Variants in DSCAM observed in about 807,000 individuals in gnomAD.
DSCAM encodes DS cell adhesion molecule, also known as cell adhesion molecule DSCAM.
Under a neutral mutation model 217.7 loss-of-function variants are expected in DSCAM, and 47 were observed. The ratio of observed to expected loss-of-function variants is 0.22; its 90% CI spans 0.17 to 0.28. The LOEUF (loss-of-function observed/expected upper bound fraction) is 0.28, where lower values mean the gene tolerates loss of function less well. Among genes scored for constraint, DSCAM ranks in the 10% least tolerant of loss-of-function variants. The probability of loss-of-function intolerance (pLI) is 1.00; values close to 1 mark genes in which losing one functional copy is unlikely to be tolerated. For synonymous variants in DSCAM, 1,056 were observed against 1,015.3 expected, an observed-to-expected ratio of 1.04 and a Z score of -0.76; for missense variants, 2,080 against 2,618.3, an observed-to-expected ratio of 0.79 and a Z score of 4.49.
At chr21:40,388,117 G>T (rs535253017) in intron 3 of DSCAM, among the ~76,000 whole-genome samples, 1 of 142,874 alleles carries the variant, frequency 7.0e-6, no homozygotes, top group African/African-American at 2.7e-5. Flanking sequence ...AAAACAATTT[G>T]GAAATTTCCC....
At chr21:40,471,692 G>A (rs560661439) in intron 3 of DSCAM, among the ~76,000 whole-genome samples, 50 of 152,162 alleles carry the variant, frequency 3.3e-4, no homozygotes, top group Non-Finnish European at 6.2e-4. Flanking sequence ...ACACTCCTAC[G>A]CAGCTATTAC....
intron 3 of DSCAM, among the ~76,000 whole-genome samples, chr21:40,507,112 A>G (rs1286821867): frequency 6.6e-6 from 1 of 152,104 alleles, no homozygotes; most frequent in Admixed American, 6.5e-5. Flanking sequence ...ACCCATCTCT[A>G]CTAAAAATAC....
At chr21:40,244,041 AAGG>A (rs1048228745) in intron 11 of DSCAM, among the ~76,000 whole-genome samples, 1 of 152,176 alleles carries the variant, frequency 6.6e-6, no homozygotes, top group Non-Finnish European at 1.5e-5. Flanking sequence ...TAGACAACAC[AAGG>A]AGGAGACCAT....
intron 18 of DSCAM, among the ~76,000 whole-genome samples, chr21:40,138,468 G>A (rs749228441): frequency 2.6e-4 from 38 of 146,448 alleles, no homozygotes; most frequent in African/African-American, 7.3e-4. Flanking sequence ...GTGGTGTAGT[G>A]TGTGGTGTAT....
chr21:40,240,349 GTTT>G lies in DSCAM; in HGVS notation c.2356+35745_2356+35747del, dbSNP rs749073872. On this transcript the variant is annotated intron_variant, in intron 11 of 32. Transcript: ENST00000400454. ...AGCTACTGCAGTAGCTTCCTCACTG[GTTT>G]TTTTTTTTTTTTTTTTTTTTTGCCT... Among the ~76,000 whole-genome samples, 100 of 57,728 alleles carry G rather than the reference GTTT, an allele frequency of 1.7e-3. 1 individual carries two copies. Among genetic ancestry groups the G allele is most frequent in the African/African-American group, 7.5e-3 (98 of 12,990 alleles). 37.9% of individuals were successfully genotyped at this position (57,728 alleles called of 152,430 possible).
intron 11 of DSCAM, among the ~76,000 whole-genome samples, chr21:40,202,204 G>A (rs1005103837): frequency 2.6e-5 from 4 of 152,108 alleles, no homozygotes; most frequent in Non-Finnish European, 4.4e-5. Context: ...TTCCACCCCC[G>A]CCACCCTTCA....
At chr21:40,161,527 C>G (rs537768388) in intron 16 of DSCAM, among the ~76,000 whole-genome samples, 1 of 152,126 alleles carries the variant, frequency 6.6e-6, no homozygotes, top group Non-Finnish European at 1.5e-5. Flanking sequence ...GCTGAGGGTA[C>G]AGTGAACACA....
chr21:40,513,563 A>C (rs62225540), intron 3 of DSCAM, among the ~76,000 whole-genome samples: 12,901 of 152,166 alleles, frequency 0.085, 669 homozygotes, highest in Middle Eastern at 0.16. Flanking sequence ...AGAAGGAGCA[A>C]GAGTGATGGC....
At chr21:40,701,675 AT>A (rs35209101) in intron 2 of DSCAM, among the ~76,000 whole-genome samples, 19,820 of 146,722 alleles carry the variant, frequency 0.14, 2,268 homozygotes, top group African/African-American at 0.32. Context: ...TTTTTTCTGA[AT>A]TTTTTTTTTT....
intron 1 of DSCAM, among the ~76,000 whole-genome samples, chr21:40,745,063 A>G (rs535067883): frequency 4.6e-5 from 7 of 152,324 alleles, no homozygotes; most frequent in African/African-American, 1.4e-4. Flanking sequence ...AGCAGACTTA[A>G]AGAACCCACA....
chr21:40,289,611 C>T (rs1039221475), intron 10 of DSCAM, among the ~76,000 whole-genome samples: 2 of 152,128 alleles, frequency 1.3e-5, no homozygotes, highest in African/African-American at 2.4e-5. Context: ...GCTTTTATTA[C>T]AGTACATTGT....
intron 32 of DSCAM, among the ~76,000 whole-genome samples, chr21:40,013,792 A>G (rs905250241): frequency 6.6e-6 from 1 of 152,174 alleles, no homozygotes. Context: ...TTGAGGAGAG[A>G]GCCAGGGACG....
chr21:40,550,432 G>A (rs1321537622), intron 3 of DSCAM, among the ~76,000 whole-genome samples: 1 of 152,178 alleles, frequency 6.6e-6, no homozygotes, highest in East Asian at 1.9e-4. Context: ...GGCTGAGGCA[G>A]GAGAATCACT....
chr21:40,528,334 G>A (rs1037218596), intron 3 of DSCAM, among the ~76,000 whole-genome samples: 2 of 152,172 alleles, frequency 1.3e-5, no homozygotes, highest in South Asian at 2.1e-4. Context: ...CTGAGAACTT[G>A]GCCTCCAGTT....
At chr21:40,388,388 T>C (rs1421076147) in intron 3 of DSCAM, among the ~76,000 whole-genome samples, 1 of 152,168 alleles carries the variant, frequency 6.6e-6, no homozygotes, top group Non-Finnish European at 1.5e-5. Flanking sequence ...TCACAGCAGA[T>C]GGTATCATGA....
intron 3 of DSCAM, among the ~76,000 whole-genome samples, chr21:40,576,055 C>T (rs377360234): frequency 1.3e-5 from 2 of 151,310 alleles, no homozygotes; most frequent in Admixed American, 6.6e-5. Flanking sequence ...TAAGTGGTAC[C>T]TTTTAGAAGT....
chr21:40,713,432 A>T (rs746172926), intron 1 of DSCAM, among the ~76,000 whole-genome samples: 1 of 152,196 alleles, frequency 6.6e-6, no homozygotes, highest in African/African-American at 2.4e-5. Context: ...CTATTTAGTA[A>T]AACCAAGAAG....
At chr21:40,737,224 T>G (rs1347883580) in intron 1 of DSCAM, among the ~76,000 whole-genome samples, 2 of 152,244 alleles carry the variant, frequency 1.3e-5, no homozygotes, top group Non-Finnish European at 2.9e-5. Flanking sequence ...AATTTCACTG[T>G]AAGGCAGAAA....
In DSCAM at chr21:40,016,914, G is replaced by A. The variant is rs551121885; in HGVS notation, c.5687-3528C>T. ...ATGGATCACCTGAGGTCAGGTGTTC[G>A]AGACCAGCCAGGCCAAAATGGGGAA... On this transcript the variant is annotated intron_variant, in intron 32 of 32. Transcript: ENST00000400454. The surrounding 1 kb of genome is among the most constrained non-coding windows in gnomAD (Gnocchi z 4.3). Among the ~76,000 whole-genome samples the A allele has an allele frequency of 7.9e-5, 12 of 152,194 alleles. No homozygotes were observed. Among genetic ancestry groups the A allele is most frequent in the African/African-American group, 2.4e-4 (10 of 41,530 alleles).
Sources: gnomAD v4.1 joint callset for allele counts (sites outside exome capture counted in the v4.1 genomes callset) on GRCh38, gnomAD v4.1.1 for gene constraint, Gnocchi (gnomAD v3.1) non-coding constraint, MANE v1.5 for transcripts, NCBI Gene and HGNC (gene_info 2026-07-23, HGNC 2026-07-21) for gene names.